The following ZNF626 variants were observed in gnomAD, a reference collection of about 807,000 sequenced individuals.
ZNF626 encodes the protein zinc finger protein 626.
In ZNF626, 4 loss-of-function variants were observed where a neutral mutation model predicts 11.7. The ratio of observed to expected loss-of-function variants is 0.34; its 90% CI spans 0.17 to 0.78. The LOEUF is 0.78. Ranked by LOEUF, ZNF626 falls within the 30% of genes least tolerant of loss-of-function variation. The pLI, the probability that ZNF626 is intolerant of heterozygous loss-of-function variation, is 0.57. For synonymous variants in ZNF626, 179 were observed against 198.6 expected (o/e 0.90, Z 0.83); for missense variants, 588 against 587.1 (o/e 1.00, Z -0.01).
intron 3 of ZNF626, among the ~76,000 whole-genome samples, chr19:20,634,044 C>T (rs1969939554): frequency 6.6e-6 from 1 of 152,036 alleles, no homozygotes; most frequent in South Asian, 2.1e-4. Flanking sequence ...GTATTTAAGT[C>T]AAAACTTCAA....
intron 1 of ZNF626, among the ~76,000 whole-genome samples, chr19:20,649,779 A>C (rs1459508683): frequency 6.6e-6 from 1 of 151,866 alleles, no homozygotes. Context: ...GGGTCCATGA[A>C]TGGGTGTTTT....
At chr19:20,657,766 T>C (rs1304630713) in intron 1 of ZNF626, among the ~76,000 whole-genome samples, 18 of 151,522 alleles carry the variant, frequency 1.2e-4, no homozygotes, top group African/African-American at 3.6e-4. Flanking sequence ...GGTGGCACAA[T>C]TGCACTCCAG....
In ZNF626 at chr19:20,645,701, A is replaced by T; in HGVS notation, c.209T>A (p.Met70Lys). 1 of 1,611,546 alleles carries T rather than the reference A, an allele frequency of 6.2e-7. No individual in the cohort carries two copies. Among genetic ancestry groups the T allele is most frequent in the Non-Finnish European group, 8.5e-7 (1 of 1,179,438 alleles). The change falls in exon 3 of 4, where the codon ATG becomes AAG. Residue 70 changes from methionine (M) to lysine (K), a missense_variant. Transcript: ENST00000601440. ...RKPLTMKRNE[M>K]IAKPSVMCSH... The stretch of plus-strand genomic sequence containing the variant: ...ACACCTACCTGAGGGTTTGGCTATC[A>T]TCTCATTTCTCTTCATGGTCAAAGG...
intron 1 of ZNF626, among the ~76,000 whole-genome samples, chr19:20,660,691 G>A (rs1386131073): frequency 6.6e-6 from 1 of 152,148 alleles, no homozygotes; most frequent in African/African-American, 2.4e-5. Flanking sequence ...GAAGTGCTGG[G>A]ATTACAGGCT....
At chr19:20,644,013 AC>A (rs1481167548) in intron 3 of ZNF626, among the ~76,000 whole-genome samples, 1 of 152,090 alleles carries the variant, frequency 6.6e-6, no homozygotes, top group Non-Finnish European at 1.5e-5. Context: ...TTCTGAACTT[AC>A]TCTGTAGCCA....
chr19:20,653,074 A>G (rs1441913210), intron 1 of ZNF626, among the ~76,000 whole-genome samples: 1 of 152,192 alleles, frequency 6.6e-6, no homozygotes, highest in Non-Finnish European at 1.5e-5. Context: ...AAATAGGCAG[A>G]AACACAATTC....
intron 1 of ZNF626, among the ~76,000 whole-genome samples, chr19:20,660,731 T>G (rs1196917509): frequency 6.6e-6 from 1 of 152,116 alleles, no homozygotes; most frequent in African/African-American, 2.4e-5. Context: ...AGAAAGGGGT[T>G]TTGAACCCTA....
At position 20,624,822 on chromosome 19, in the gene ZNF626, T is replaced by A. The variant is rs369227876; in HGVS notation, c.1055A>T (p.Tyr352Phe). ...CTTATGTGTAGTAAGGGTAGAGGAG[T>A]ACTTAAAGGCTTTGCCACATTCTTC... ...KCEECGKAFK[Y>F]SSTLTTHKRI... Residue 352 changes from tyrosine to phenylalanine, a missense_variant, in exon 4 of 4, where the codon TAC (tyrosine) becomes TTC (phenylalanine). Transcript: ENST00000601440. The A allele has an allele frequency of 3.7e-6, 6 of 1,612,508 alleles. No individual in the cohort carries two copies. Among genetic ancestry groups the A allele is most frequent in the Non-Finnish European group, 3.4e-6 (4 of 1,179,728 alleles).
chr19:20,630,511 GATGT>G, intron 3 of ZNF626, among the ~76,000 whole-genome samples: 1 of 152,220 alleles, frequency 6.6e-6, no homozygotes, highest in African/African-American at 2.4e-5. Context: ...GTCTTGGGAG[GATGT>G]ATGTGTCGAG....
At chr19:20,639,946 C>T (rs1208752203) in intron 3 of ZNF626, among the ~76,000 whole-genome samples, 1 of 151,992 alleles carries the variant, frequency 6.6e-6, no homozygotes, top group Non-Finnish European at 1.5e-5. Context: ...TTAAAAGCTA[C>T]AGAACATAAA....
Position 20,652,545 on chromosome 19 carries a change from A to G in ZNF626, c.4-6140T>C, listed in dbSNP as rs117974268. On this transcript the variant is annotated intron_variant, in intron 1 of 3. Coordinates refer to ENST00000601440, the MANE Select transcript of ZNF626 (RefSeq NM_001076675.3). ...TTATTGATTAGATACATATCATTATAGTTTAGGGTATGGGATATAGTGTCC... is the reference window on the plus strand; with the variant it reads ...TTATTGATTAGATACATATCATTATGGTTTAGGGTATGGGATATAGTGTCC... 7.7e-3 allele frequency among the ~76,000 whole-genome samples: 1,179 copies of G among 152,314 alleles called. 8 individuals carry two copies. The highest frequency in any genetic ancestry group is 0.013 in the Non-Finnish European group (884 of 68,024).
chr19:20,639,328 G>A (rs1344174291), intron 3 of ZNF626, among the ~76,000 whole-genome samples: 5 of 152,126 alleles, frequency 3.3e-5, no homozygotes, highest in Admixed American at 3.3e-4. Context: ...CCATATTATA[G>A]ACCAACTAGG....
rs529076836 is a variant in ZNF626, at chr19:20,623,443, G to C, written c.*847C>G. On this transcript the variant is annotated 3_prime_UTR_variant, in exon 4 of 4. Transcript: ENST00000601440. ...GGATGGAAGTGTTGAAAAAAGCACT[G>C]TCACATCTTTCAGGTTTGTAGAGTT... 1 of 152,358 alleles carries C rather than the reference G, an allele frequency of 6.6e-6. No individual in the cohort carries two copies. The highest frequency in any genetic ancestry group is 1.5e-5 in the Non-Finnish European group (1 of 68,198). 9.4% of individuals were successfully genotyped at this position (152,358 alleles called of 1,614,324 possible). A position where few individuals can be genotyped will look rare whatever the true frequency, so the allele number is the denominator to read the frequency against.
At chr19:20,637,080 T>C (rs1182841607) in intron 3 of ZNF626, among the ~76,000 whole-genome samples, 2 of 145,218 alleles carry the variant, frequency 1.4e-5, no homozygotes, top group African/African-American at 2.6e-5. Flanking sequence ...TCCTGGGCCA[T>C]AGAGTGAGAC....
At chr19:20,660,336 C>CCG (rs60639061) in intron 1 of ZNF626, among the ~76,000 whole-genome samples, 65,937 of 151,238 alleles carry the variant, frequency 0.44, 16,358 homozygotes, top group African/African-American at 0.68. Flanking sequence ...ATGTCCACAT[C>CCG]AGTTATTCAC....
rs1969784220 is a variant in ZNF626, at chr19:20,623,787, T to A, written c.*503A>T. 1 of 231,168 alleles carries A rather than the reference T, an allele frequency of 4.3e-6. No individual in the cohort carries two copies. The highest frequency in any genetic ancestry group is 2.7e-5 in the African/African-American group (1 of 37,018). The allele number at this position is 231,168 out of a possible 1,614,324, so 14.3% of individuals were successfully genotyped here. On this transcript the variant is annotated 3_prime_UTR_variant, in exon 4 of 4. Transcript: ENST00000601440. The stretch of plus-strand genomic sequence containing the variant: ...GCACACCAGACTGGGTGACAAGAGT[T>A]GAAACTCCATCTCAAAAAAAAAAAA...
intron 3 of ZNF626, among the ~76,000 whole-genome samples, chr19:20,627,540 G>C (rs1264442647): frequency 6.6e-6 from 1 of 151,766 alleles, no homozygotes; most frequent in Admixed American, 6.6e-5. Context: ...AAAGATATAA[G>C]AATCAAATAA....
At chr19:20,646,016 G>T (rs574210091) in intron 2 of ZNF626, among the ~76,000 whole-genome samples, 1 of 152,150 alleles carries the variant, frequency 6.6e-6, no homozygotes, top group African/African-American at 2.4e-5. Flanking sequence ...TTCAGGTGGA[G>T]CAACAATATT....
At chr19:20,637,817 C>T (rs1373126361) in intron 3 of ZNF626, among the ~76,000 whole-genome samples, 2 of 151,956 alleles carry the variant, frequency 1.3e-5, no homozygotes, top group Non-Finnish European at 2.9e-5. Context: ...CTGGAAATAA[C>T]AACTTCATTT....
Sources: gnomAD v4.1 joint callset for allele counts (sites outside exome capture counted in the v4.1 genomes callset) on GRCh38, gnomAD v4.1.1 for gene constraint, MANE v1.5 for transcripts, NCBI Gene and HGNC (gene_info 2026-07-23, HGNC 2026-07-21) for gene names.